Variants in KANK1 observed in about 807,000 individuals in gnomAD.
The protein encoded by KANK1 is KN motif and ankyrin repeat domains 1.
In KANK1, 109 loss-of-function variants were observed where a neutral mutation model predicts 106.2. The observed-to-expected ratio is 1.03, with a 90% CI of 0.88 to 1.20. The LOEUF is 1.20. KANK1 is among the 50% of genes most tolerant of loss of function. KANK1 has a pLI of 0.00. For synonymous variants in KANK1, 873 were observed against 652.2 expected (o/e 1.34, Z -5.16); for missense variants, 2,399 against 1,710.7 (o/e 1.40, Z -7.10).
chr9:607,012 CTG>C (rs1829370612), intron 1 of KANK1, among the ~76,000 whole-genome samples: 1 of 151,696 alleles, frequency 6.6e-6, no homozygotes, highest in East Asian at 1.9e-4. Context: ...CCACGGAAAA[CTG>C]TGGGACTGGG....
chr9:620,180 T>G (rs1322284493), intron 1 of KANK1, among the ~76,000 whole-genome samples: 1 of 151,914 alleles, frequency 6.6e-6, no homozygotes, highest in Non-Finnish European at 1.5e-5. Flanking sequence ...CTATTTCAGG[T>G]CTAGGCAGGC....
intron 3 of KANK1, among the ~76,000 whole-genome samples, chr9:485,883 A>G (rs1379231818): frequency 6.6e-6 from 1 of 150,764 alleles, no homozygotes; most frequent in Non-Finnish European, 1.5e-5. Context: ...AAAAAAAAAA[A>G]AAAGAAAAGA....
chr9:642,371 T>A (rs1433669300), intron 1 of KANK1, among the ~76,000 whole-genome samples: 1 of 150,934 alleles, frequency 6.6e-6, no homozygotes. Context: ...CTCCCTAACC[T>A]TAAAAAGTCG....
rs141670064 is a variant in KANK1, at chr9:730,490, G to A, written c.2896+242G>A. On this transcript the variant is annotated intron_variant, in intron 4 of 11. Coordinates refer to ENST00000382297, the MANE Select transcript of KANK1 (RefSeq NM_015158.5). ...GCAGATCATTTGAGGCCAGGAGTTC[G>A]AGACCAGCCTGGCCAACATGGTGAA... 0.011 allele frequency: 5,253 copies of A among 468,782 alleles called. 224 individuals are homozygous for A. The highest frequency in any genetic ancestry group is 0.093 in the African/African-American group (4,694 of 50,536). 29.0% of individuals were successfully genotyped at this position (468,782 alleles called of 1,614,324 possible).
intron 2 of KANK1, among the ~76,000 whole-genome samples, chr9:690,133 C>CAAAAAAAAAAAAAAAAAA (rs57837964): frequency 1.6e-5 from 1 of 61,662 alleles, no homozygotes; most frequent in Non-Finnish European, 2.7e-5. Flanking sequence ...TCTAAAAATA[C>CAAAAAAAAAAAAAAAAAA]AAAAAAAAAA....
At chr9:709,686 C>A (rs1589093946) in intron 2 of KANK1, among the ~76,000 whole-genome samples, 1 of 151,326 alleles carries the variant, frequency 6.6e-6, no homozygotes, top group East Asian at 1.9e-4. Flanking sequence ...TGTGACCTCG[C>A]CTCACTGCAA....
intron 1 of KANK1, among the ~76,000 whole-genome samples, chr9:552,402 C>T (rs1451251029): frequency 1.3e-5 from 2 of 152,206 alleles, no homozygotes; most frequent in African/African-American, 4.8e-5. Context: ...AGGCCGCACA[C>T]CCTCATCTCC....
At chr9:536,872 G>C (rs375687612) in intron 1 of KANK1, among the ~76,000 whole-genome samples, 2 of 152,254 alleles carry the variant, frequency 1.3e-5, no homozygotes, top group Non-Finnish European at 2.9e-5. Context: ...GTTCGCAGTC[G>C]GCACCCCTTT....
Position 738,343 on chromosome 9 carries a change from C to G in KANK1, c.3392C>G (p.Ala1131Gly). Reference protein sequence around the residue: ...EWFRVSSQKSAIPAMVGDYIA... With the variant: ...EWFRVSSQKSGIPAMVGDYIA... ...TTCCGCGTGTCCAGTCAGAAGTCAG[C>G]CATTCCAGCCATGGTGGGGGACTAC... Residue 1131 changes from alanine to glycine, a missense_variant, in exon 8 of 12, where the codon GCC becomes GGC. By Grantham distance (60) the Ala-to-Gly change is moderately conservative. Coordinates refer to ENST00000382297, the MANE Select transcript of KANK1 (RefSeq NM_015158.5). The G allele has an allele frequency of 1.2e-6, 2 of 1,614,146 alleles. No individual in the cohort carries two copies. Among genetic ancestry groups the G allele is most frequent in the Non-Finnish European group, 1.7e-6 (2 of 1,180,020 alleles).
intron 1 of KANK1, chr9:547,365 C>G (rs577868737): frequency 1.3e-5 from 2 of 152,260 alleles, no homozygotes; most frequent in East Asian, 1.9e-4. Flanking sequence ...GCAAAGTTGC[C>G]TTTTCTGTTT....
chr9:544,527 G>A (rs766744857), intron 1 of KANK1, among the ~76,000 whole-genome samples: 2 of 152,190 alleles, frequency 1.3e-5, no homozygotes, highest in African/African-American at 4.8e-5. Context: ...AACACTATGT[G>A]GAGGAATAAG....
intron 1 of KANK1, among the ~76,000 whole-genome samples, chr9:625,889 C>G (rs1211194611): frequency 6.6e-6 from 1 of 152,142 alleles, no homozygotes; most frequent in Non-Finnish European, 1.5e-5. Flanking sequence ...GTTTTAACCA[C>G]TCCCCACGGT....
intron 2 of KANK1, among the ~76,000 whole-genome samples, chr9:689,214 C>T (rs1819282155): frequency 6.6e-6 from 1 of 152,232 alleles, no homozygotes; most frequent in Admixed American, 6.5e-5. Context: ...GTGAAGAAAG[C>T]CTAAGGTGTA....
intron 1 of KANK1, among the ~76,000 whole-genome samples, chr9:654,206 G>A (rs913207826): frequency 6.6e-6 from 1 of 152,166 alleles, no homozygotes; most frequent in African/African-American, 2.4e-5. Context: ...GCCCGTTGTG[G>A]GGCCCAAGCA....
At chr9:616,794 G>C (rs1462544122) in intron 1 of KANK1, among the ~76,000 whole-genome samples, 2 of 152,294 alleles carry the variant, frequency 1.3e-5, no homozygotes, top group Non-Finnish European at 2.9e-5. Context: ...TTATGTCGCT[G>C]CTGTTCTTTA....
At chr9:476,896 CAA>C (rs2132092475) in intron 3 of KANK1, 1 of 152,278 alleles carries the variant, frequency 6.6e-6, no homozygotes, top group South Asian at 2.1e-4. Context: ...AAAAAGCAAA[CAA>C]GACACAAATG....
chr9:712,487 G>A lies in KANK1; in HGVS notation c.1721G>A (p.Arg574Lys), dbSNP rs761519583. ...LPMNWWIVKE[R>K]VEMHDRCAGR... ...ATGAATTGGTGGATTGTTAAGGAGA[G>A]GGTGGAAATGCATGACCGATGTGCT... The change falls in exon 3 of 12, where the codon AGG becomes AAG. Residue 574 changes from arginine to lysine, a missense_variant. By Grantham distance (26) the Arg-to-Lys change is conservative (BLOSUM62 2). Coordinates refer to ENST00000382297, the MANE Select transcript of KANK1 (RefSeq NM_015158.5). 1 of 1,614,168 alleles carries A rather than the reference G, an allele frequency of 6.2e-7. No homozygotes were observed. The highest frequency in any genetic ancestry group is 1.7e-5 in the Admixed American group (1 of 60,018).
Position 480,848 on chromosome 9 carries a change from T to C in KANK1, c.-362+7575T>C, listed in dbSNP as rs547582576. On this transcript the variant is annotated intron_variant, in intron 3 of 15. Transcript: ENST00000382303. The stretch of plus-strand genomic sequence containing the variant: ...TGGGCAGATAAATTGTGTAAAATGG[T>C]AAGGCATTAGAAAGTGGACCAGACT... 2.0e-5 allele frequency among the ~76,000 whole-genome samples: 3 copies of C among 152,290 alleles called. No individual in the cohort carries two copies. In the South Asian group the frequency reaches 6.2e-4, roughly 32 times the overall value.
chr9:622,601 G>A (rs1333402834), intron 1 of KANK1, among the ~76,000 whole-genome samples: 1 of 152,106 alleles, frequency 6.6e-6, no homozygotes, highest in African/African-American at 2.4e-5. Context: ...ACTTGAAATG[G>A]ATTAAGACTT....
Sources: gnomAD v4.1 joint callset for allele counts (sites outside exome capture counted in the v4.1 genomes callset) on GRCh38, gnomAD v4.1.1 for gene constraint, MANE v1.5 for transcripts, NCBI Gene and HGNC (gene_info 2026-07-23, HGNC 2026-07-21) for gene names.